Variants in TMEM116 observed in about 807,000 individuals in gnomAD.
The protein encoded by TMEM116 is transmembrane protein 116.
TMEM116 carries 38 observed loss-of-function variants against 44.3 expected under a neutral mutation model. The ratio of observed to expected loss-of-function variants is 0.86; its 90% CI spans 0.66 to 1.12. TMEM116 has a LOEUF of 1.12. Ranked by LOEUF, TMEM116 falls within the 50% of genes most tolerant of loss-of-function variation. The pLI is 0.00. For synonymous variants in TMEM116, 132 were observed against 144.8 expected, an observed-to-expected ratio of 0.91 and a Z score of 0.64; for missense variants, 354 against 401.7, an observed-to-expected ratio of 0.88 and a Z score of 1.01.
intron 4 of TMEM116, among the ~76,000 whole-genome samples, chr12:111,991,293 C>T (rs1388680882): frequency 1.4e-5 from 2 of 147,014 alleles, no homozygotes; most frequent in Non-Finnish European, 3.0e-5. Context: ...GAGGCCGAGG[C>T]GGGTGGATCA....
chr12:111,991,232 A>C (rs1379675538), intron 4 of TMEM116, among the ~76,000 whole-genome samples: 36 of 149,268 alleles, frequency 2.4e-4, no homozygotes, highest in African/African-American at 7.9e-4. Flanking sequence ...AAAAAAAAAA[A>C]AAAAAAACGG....
intron 4 of TMEM116, among the ~76,000 whole-genome samples, chr12:111,961,672 AAAT>A (rs1365413503): frequency 6.6e-5 from 10 of 152,168 alleles, no homozygotes; most frequent in Non-Finnish European, 1.3e-4. Context: ...ACATATCTCA[AAAT>A]AATAAGAGCT....
intron 4 of TMEM116, among the ~76,000 whole-genome samples, chr12:111,957,412 T>C (rs903050253): frequency 1.2e-4 from 18 of 150,088 alleles, no homozygotes; most frequent in Admixed American, 4.0e-4. Flanking sequence ...ATCTGGGAAG[T>C]GGGGAGCCCC....
chr12:111,990,256 A>G (rs2076479197), intron 4 of TMEM116, among the ~76,000 whole-genome samples: 1 of 135,846 alleles, frequency 7.4e-6, no homozygotes, highest in African/African-American at 2.8e-5. Flanking sequence ...CTCCGCCTCA[A>G]AAAAAAAAAA....
In TMEM116 at chr12:111,931,688, T is replaced by C. The variant is rs781491775; in HGVS notation, c.947A>G (p.Tyr316Cys). The change falls in exon 11 of 11, where the codon TAT becomes TGT. Residue 316 changes from tyrosine to cysteine, a missense_variant. Coordinates refer to ENST00000552374, the MANE Select transcript of TMEM116 (RefSeq NM_001193531.2). ...TPLLCSQKRF[Y>C]SRGLNSLEST... ...TTCCAGTGAATTTAAGCCCCTGCTATAGAATCTCTTCTGTGAGCATAATAA... is the reference window on the plus strand; with the variant it reads ...TTCCAGTGAATTTAAGCCCCTGCTACAGAATCTCTTCTGTGAGCATAATAA... 83 of 1,614,054 alleles carry C rather than the reference T, an allele frequency of 5.1e-5. 1 individual carries two copies. Among genetic ancestry groups the C allele is most frequent in the Non-Finnish European group, 6.8e-5 (80 of 1,180,028 alleles).
At chr12:111,993,221 G>GCCGTATCATTAAAAA in intron 3 of TMEM116, 7 of 415,004 alleles carry the variant, frequency 1.7e-5, no homozygotes, top group South Asian at 6.4e-5. Flanking sequence ...GTTGTGGTCT[G>GCCGTATCATTAAAAA]ACACACACTG....
intron 1 of TMEM116, among the ~76,000 whole-genome samples, chr12:112,008,271 A>T (rs2136751076): frequency 6.6e-6 from 1 of 152,286 alleles, no homozygotes; most frequent in African/African-American, 2.4e-5. Flanking sequence ...TCACAAGGTC[A>T]GGAGTTGGAG....
At chr12:111,971,580 C>G (rs1282930277) in intron 4 of TMEM116, among the ~76,000 whole-genome samples, 1 of 148,458 alleles carries the variant, frequency 6.7e-6, no homozygotes, top group Non-Finnish European at 1.5e-5. Context: ...TAGATTAATC[C>G]AAAAAAGGCA....
chr12:111,993,210 G>C (rs1488126714), intron 3 of TMEM116: 1 of 401,042 alleles, frequency 2.5e-6, no homozygotes, highest in Non-Finnish European at 5.1e-6. Context: ...TGGGGTCTTA[G>C]GTTGTGGTCT....
At chr12:111,955,809 T>C (rs146817094) in intron 4 of TMEM116, among the ~76,000 whole-genome samples, 229 of 152,326 alleles carry the variant, frequency 1.5e-3, no homozygotes, top group Non-Finnish European at 2.5e-3. Context: ...CTTACCATTG[T>C]GTTACAATGG....
intron 4 of TMEM116, among the ~76,000 whole-genome samples, chr12:111,946,080 T>TA: frequency 6.6e-6 from 1 of 152,382 alleles, no homozygotes; most frequent in Admixed American, 6.5e-5. Flanking sequence ...GCTTTATGTT[T>TA]AGAACAATGT....
intron 4 of TMEM116, among the ~76,000 whole-genome samples, chr12:111,969,617 G>A (rs1338463013): frequency 2.0e-5 from 3 of 151,708 alleles, no homozygotes; most frequent in Admixed American, 6.6e-5. Context: ...TCGCTCTTTC[G>A]CCCAGGCGGG....
intron 4 of TMEM116, among the ~76,000 whole-genome samples, chr12:111,956,205 G>A (rs2074075844): frequency 6.6e-6 from 1 of 152,102 alleles, no homozygotes; most frequent in Non-Finnish European, 1.5e-5. Flanking sequence ...TTTTCATTAT[G>A]TGAATCAAAC....
intron 4 of TMEM116, among the ~76,000 whole-genome samples, chr12:111,981,484 A>G (rs979095698): frequency 6.6e-6 from 1 of 152,212 alleles, no homozygotes; most frequent in African/African-American, 2.4e-5. Flanking sequence ...AATTGCAGCT[A>G]CGTGTTTTGG....
rs11066123 is a variant in TMEM116, at chr12:111,999,593, C to T, written c.78+4207G>A. On this transcript the variant is annotated intron_variant, in intron 3 of 10. Coordinates refer to ENST00000552374, the MANE Select transcript of TMEM116 (RefSeq NM_001193531.2). Reference sequence around the variant, plus strand: ...CAGCTTGGGCTACAGAGCGAGACTCCATCTCAAAAAAAAAATAAAATAAAT... The same window carrying T: ...CAGCTTGGGCTACAGAGCGAGACTCTATCTCAAAAAAAAAATAAAATAAAT... Among the ~76,000 whole-genome samples, 8,371 of 150,458 alleles carry T rather than the reference C, an allele frequency of 0.056. 1,275 individuals carry two copies. In the East Asian group the frequency reaches 0.61, roughly 11 times the overall value.
At chr12:111,991,217 C>CAAAAAAAAAAAAAAAAAAAAA (rs59103081) in intron 4 of TMEM116, among the ~76,000 whole-genome samples, 1 of 62,840 alleles carries the variant, frequency 1.6e-5, no homozygotes, top group Non-Finnish European at 3.3e-5. Context: ...GACTCTGTCT[C>CAAAAAAAAAAAAAAAAAAAAA]AAAAAAAAAA....
intron 5 of TMEM116, among the ~76,000 whole-genome samples, chr12:111,940,256 G>C (rs1205244824): frequency 4.0e-5 from 6 of 151,738 alleles, no homozygotes; most frequent in Non-Finnish European, 7.4e-5. Context: ...CTGGGCAACA[G>C]AGTGAGACTC....
intron 4 of TMEM116, among the ~76,000 whole-genome samples, chr12:111,976,864 T>G (rs2075699222): frequency 6.6e-6 from 1 of 152,088 alleles, no homozygotes; most frequent in African/African-American, 2.4e-5. Context: ...CAGCCATGAA[T>G]GTAATCATCA....
At chr12:111,932,558 C>T in intron 10 of TMEM116, 28 bp downstream of exon 10, 1 of 1,591,726 alleles carries the variant, frequency 6.3e-7, no homozygotes. Flanking sequence ...GGTGTAAGAA[C>T]AGAGATACTG....
Sources: allele counts gnomAD v4.1 joint callset (sites outside exome capture counted in the v4.1 genomes callset), GRCh38; gene constraint gnomAD v4.1.1; transcripts MANE v1.5; gene names NCBI Gene and HGNC (gene_info 2026-07-23, HGNC 2026-07-21).